The following FBXO33 variants were observed in gnomAD, a reference collection of about 807,000 sequenced individuals.
FBXO33 encodes F-box only protein 33.
A neutral mutation model predicts 46.3 loss-of-function variants in FBXO33; 22 were observed. The observed-to-expected ratio is 0.48, with a 90% CI of 0.34 to 0.68. The LOEUF is 0.68. Ranked by LOEUF, FBXO33 falls within the 30% of genes least tolerant of loss-of-function variation. The pLI, the probability that FBXO33 is intolerant of heterozygous loss-of-function variation, is 0.01. For synonymous variants in FBXO33, 337 were observed against 291.3 expected (o/e 1.16, Z -1.60); for missense variants, 692 against 708.8 (o/e 0.98, Z 0.27).
rs1015183995 is a variant in FBXO33 at position 39,420,443 on chromosome 14, C to T, written c.599+11121G>A. 7.9e-5 allele frequency among the ~76,000 whole-genome samples: 12 copies of T among 152,298 alleles called. 1 individual carries two copies. The South Asian group carries it at 8.3e-4, about 11-fold the overall frequency. On this transcript the variant is annotated intron_variant, in intron 1 of 3. Coordinates refer to ENST00000298097, the MANE Select transcript of FBXO33 (RefSeq NM_203301.4). ...CGGTGGCTCACGCCTGTAATCTCAG[C>T]GCTTTGGGAGGCCGGGGCGGGCGGA...
chr14:39,403,704 A>G (rs1370738211), intron 1 of FBXO33, among the ~76,000 whole-genome samples: 3 of 152,246 alleles, frequency 2.0e-5, no homozygotes, highest in African/African-American at 4.8e-5. Context: ...AACGAACTAG[A>G]TATTTCATTT....
chr14:39,404,966 G>T (rs1224615548), intron 1 of FBXO33, among the ~76,000 whole-genome samples: 6 of 151,932 alleles, frequency 3.9e-5, no homozygotes, highest in African/African-American at 1.4e-4. Context: ...GGCCAACATA[G>T]TGAAACCCCA....
chr14:39,431,596 C>T lies in FBXO33; in HGVS notation c.567G>A (p.Val189=). Residue 189 remains valine (V), a synonymous_variant, in exon 1 of 4, where the codon GTG becomes GTA. Coordinates refer to ENST00000298097, the MANE Select transcript of FBXO33 (RefSeq NM_203301.4). The stretch of plus-strand genomic sequence containing the variant: ...TCCGGATGCTGACCAGCACGCAAAG[C>T]ACCAGCTCCAAGTAGGTGCGCAGCA... ...LEVLRTYLEL[V]LCVLVSIRNN... The T allele has an allele frequency of 2.5e-6, 4 of 1,613,304 alleles. No individual in the cohort carries two copies. The highest frequency in any genetic ancestry group is 3.4e-6 in the Non-Finnish European group (4 of 1,180,024).
intron 1 of FBXO33, among the ~76,000 whole-genome samples, chr14:39,404,565 A>C (rs2075384104): frequency 6.6e-6 from 1 of 151,930 alleles, no homozygotes; most frequent in South Asian, 2.1e-4. Context: ...TGACCTCGTG[A>C]TCCACCCGCC....
rs779447236 is a variant in FBXO33, at chr14:39,431,553, G to A, written c.599+11C>T. The A allele has an allele frequency of 3.1e-6, 5 of 1,610,062 alleles. No individual in the cohort carries two copies. The highest frequency in any genetic ancestry group is 2.5e-6 in the Non-Finnish European group (3 of 1,179,974). ...CGTTACCGGGCGGGGCGGGGCTCAG[G>A]GCAAGCCTACCTGTTGTTCCGGATG... On this transcript the variant is annotated intron_variant, in intron 1 of 3. Transcript: ENST00000298097.
At chr14:39,415,596 C>T (rs955670783) in intron 1 of FBXO33, among the ~76,000 whole-genome samples, 1 of 152,164 alleles carries the variant, frequency 6.6e-6, no homozygotes, top group South Asian at 2.1e-4. Context: ...TACGTTGCTA[C>T]TGATGTTCTA....
At position 39,409,338 on chromosome 14, in the gene FBXO33, A is replaced by C. The variant is rs544821356; in HGVS notation, c.600-6827T>G. ...GTTTACACAACACCATTTGTTGAAG[A>C]GACTATCCTTTCCCCATTTTATGTT... On this transcript the variant is annotated intron_variant, in intron 1 of 3. Coordinates refer to ENST00000298097, the MANE Select transcript of FBXO33 (RefSeq NM_203301.4). 6.6e-5 allele frequency among the ~76,000 whole-genome samples: 10 copies of C among 152,254 alleles called. 1 individual carries two copies. The South Asian group carries it at 2.1e-3, about 32-fold the overall frequency.
chr14:39,422,497 C>A (rs1166876160), intron 1 of FBXO33, among the ~76,000 whole-genome samples: 1 of 152,200 alleles, frequency 6.6e-6, no homozygotes, highest in Non-Finnish European at 1.5e-5. Context: ...TCTGATGACA[C>A]CTCATCTAAG....
intron 1 of FBXO33, among the ~76,000 whole-genome samples, chr14:39,419,359 A>T (rs1004868569): frequency 1.1e-4 from 17 of 152,034 alleles, no homozygotes; most frequent in African/African-American, 4.1e-4. Context: ...AGAAAACCAT[A>T]AAAAAAATGA....
chr14:39,416,023 GTACAA>G (rs778434397), intron 1 of FBXO33, among the ~76,000 whole-genome samples: 2 of 152,146 alleles, frequency 1.3e-5, no homozygotes, highest in East Asian at 1.9e-4. Context: ...TTAACCAGTA[GTACAA>G]TACAATATTA....
In FBXO33 at chr14:39,401,617, T is replaced by C; in HGVS notation, c.955A>G (p.Thr319Ala). ...GTTAAGACTCTTGCCATCTCAGCTGTAAAGTCACAAAAATCCAAGGCAAGT... is the reference window on the plus strand; with the variant it reads ...GTTAAGACTCTTGCCATCTCAGCTGCAAAGTCACAAAAATCCAAGGCAAGT... Reference protein sequence around the residue: ...HSLALDFCDFTAEMARVLTDS... With the variant: ...HSLALDFCDFAAEMARVLTDS... The change falls in exon 3 of 4, where the codon ACA (threonine) becomes GCA (alanine). Residue 319 changes from threonine (T) to alanine (A), a missense_variant. Physicochemically the swap from Thr to Ala is moderately conservative, Grantham distance 58 (BLOSUM62 0). This residue lies in a region of FBXO33 where 186 missense variants were observed against 246.1 expected (regional missense o/e 0.76). Transcript: ENST00000298097. 6.2e-7 allele frequency: 1 copy of C among 1,614,182 alleles called. No individual in the cohort carries two copies. Among genetic ancestry groups the C allele is most frequent in the Non-Finnish European group, 8.5e-7 (1 of 1,180,032 alleles).
chr14:39,399,523 TC>T lies in FBXO33; in HGVS notation c.1660del (p.Asp554ThrfsTer8). ...TTCTACATTAAAAAAAAGCTAAATG[TC>T]TTCACTGAAGCTTTGCATCTCTCTG... is the stretch of plus-strand genomic sequence containing the variant. Reference protein sequence around the residue: ...FYREMQSFSEDI With the variant: ...FYREMQSFSEXI On this transcript the variant is annotated frameshift_variant, in exon 4 of 4. Coordinates refer to ENST00000298097, the MANE Select transcript of FBXO33 (RefSeq NM_203301.4). LOFTEE classifies it high-confidence loss of function. 1 of 1,607,890 alleles carries T rather than the reference TC, an allele frequency of 6.2e-7. No homozygotes were observed. Among genetic ancestry groups the T allele is most frequent in the Non-Finnish European group, 8.5e-7 (1 of 1,175,912 alleles).
At chr14:39,408,932 C>T (rs1265936296) in intron 1 of FBXO33, among the ~76,000 whole-genome samples, 2 of 151,990 alleles carry the variant, frequency 1.3e-5, no homozygotes, top group Non-Finnish European at 2.9e-5. Context: ...CATGCTACCA[C>T]ACCCAGCTAC....
At chr14:39,430,839 C>T (rs1019504509) in intron 1 of FBXO33, among the ~76,000 whole-genome samples, 10 of 152,072 alleles carry the variant, frequency 6.6e-5, no homozygotes, top group African/African-American at 2.2e-4. Flanking sequence ...CAGTGAAGTC[C>T]TGATGCAAAA....
chr14:39,399,750 A>T lies in FBXO33; in HGVS notation c.1434T>A (p.Ala478=). 6.2e-7 allele frequency: 1 copy of T among 1,609,598 alleles called. No individual in the cohort carries two copies. The highest frequency in any genetic ancestry group is 8.5e-7 in the Non-Finnish European group (1 of 1,176,382). ...CTTTCAGATCAGAGCCCCGAAGACG[A>T]GCAATGGCAATGAGGTTGTGTGCCC... is the stretch of plus-strand genomic sequence containing the variant. ...TVWAHNLIAI[A]RLRGSDLKVL... Residue 478 remains alanine (A), a synonymous_variant, in exon 4 of 4, where the codon GCT becomes GCA. Coordinates refer to ENST00000298097, the MANE Select transcript of FBXO33 (RefSeq NM_203301.4).
At chr14:39,405,288 G>A (rs377468142) in intron 1 of FBXO33, among the ~76,000 whole-genome samples, 23 of 152,156 alleles carry the variant, frequency 1.5e-4, no homozygotes, top group African/African-American at 5.3e-4. Flanking sequence ...CCTTGAACTG[G>A]AGTTTTGTTG....
intron 1 of FBXO33, among the ~76,000 whole-genome samples, chr14:39,428,549 C>G (rs2075527318): frequency 6.6e-6 from 1 of 152,286 alleles, no homozygotes; most frequent in East Asian, 1.9e-4. Context: ...CCCCTAACAG[C>G]ATTCCACCCA....
intron 1 of FBXO33, among the ~76,000 whole-genome samples, chr14:39,407,108 T>C (rs1468324995): frequency 6.6e-6 from 1 of 152,190 alleles, no homozygotes; most frequent in African/African-American, 2.4e-5. Flanking sequence ...TAAAAATCAA[T>C]TGTATTTCTA....
rs2075354271 is a variant in FBXO33, at chr14:39,398,514, C to T, written c.*1002G>A. ...TTTTTCAGAGTTCTGAGGTTGCTGA[C>T]TGAGCCACAGCACAGCTGTGTACCA... On this transcript the variant is annotated 3_prime_UTR_variant, in exon 4 of 4. Coordinates refer to ENST00000298097, the MANE Select transcript of FBXO33 (RefSeq NM_203301.4). 7.2e-6 allele frequency: 1 copy of T among 138,624 alleles called. No homozygotes were observed. Among genetic ancestry groups the T allele is most frequent in the Admixed American group, 7.6e-5 (1 of 13,098 alleles). 8.6% of individuals were successfully genotyped at this position (138,624 alleles called of 1,614,324 possible). A position where few individuals can be genotyped will look rare whatever the true frequency, so the allele number is the denominator to read the frequency against.
Sources: gnomAD v4.1 joint callset for allele counts (sites outside exome capture counted in the v4.1 genomes callset) on GRCh38, gnomAD v4.1.1 for gene constraint, gnomAD v4.1.1 regional missense constraint, MANE v1.5 for transcripts, NCBI Gene and HGNC (gene_info 2026-07-23, HGNC 2026-07-21) for gene names.